CNNM2: variants seen among roughly 807,000 people sequenced by gnomAD.
CNNM2 encodes the protein cyclin and CBS domain divalent metal cation transport mediator 2, also known as metal transporter CNNM2.
CNNM2 carries 12 observed loss-of-function variants against 66.9 expected under a neutral mutation model. The ratio of observed to expected loss-of-function variants is 0.18; its 90% CI spans 0.11 to 0.29. CNNM2 has a LOEUF of 0.29. CNNM2 is among the 10% of genes least tolerant of loss of function. The pLI is 1.00. For synonymous variants in CNNM2, 557 were observed against 501.8 expected, an observed-to-expected ratio of 1.11 and a Z score of -1.47; for missense variants, 705 against 1,167.7, an observed-to-expected ratio of 0.60 and a Z score of 5.77.
chr10:103,048,214 ATT>A (rs61111356), intron 1 of CNNM2, among the ~76,000 whole-genome samples: 25 of 106,536 alleles, frequency 2.3e-4, no homozygotes, highest in Middle Eastern at 9.3e-3. Flanking sequence ...TGCGCTCAGC[ATT>A]TTTTTTTTTT....
In CNNM2 at chr10:103,085,164, C is replaced by T. The variant is rs2065792673; in HGVS notation, c.*7984C>T. On this transcript the variant is annotated 3_prime_UTR_variant, in exon 8 of 8. Transcript: ENST00000369878. Reference sequence around the variant, plus strand: ...TTGCCCGACTTCTGAAGTGCTTTTCCTGTCAGGGTATTAGTGACTGTGCAG... The same window carrying T: ...TTGCCCGACTTCTGAAGTGCTTTTCTTGTCAGGGTATTAGTGACTGTGCAG... The T allele has an allele frequency of 6.6e-6, 1 of 152,122 alleles. No homozygotes were observed. Among genetic ancestry groups the T allele is most frequent in the African/African-American group, 2.4e-5 (1 of 41,414 alleles). The allele number at this position is 152,122 out of a possible 1,614,324, so 9.4% of individuals were successfully genotyped here.
At position 103,054,447 on chromosome 10, in the gene CNNM2, G is replaced by A. The variant is rs1397932904; in HGVS notation, c.1884G>A (p.Met628Ile). 3.7e-6 allele frequency: 6 copies of A among 1,613,740 alleles called. No individual in the cohort carries two copies. Among genetic ancestry groups the A allele is most frequent in the Non-Finnish European group, 5.1e-6 (6 of 1,179,860 alleles). Residue 628 changes from methionine (M) to isoleucine (I), a missense_variant, in exon 3 of 8, where the codon ATG (methionine) becomes ATA (isoleucine). Coordinates refer to ENST00000369878, the MANE Select transcript of CNNM2 (RefSeq NM_017649.5). This position sits in a 1 kb window ranked among gnomAD's most constrained non-coding sequence, Gnocchi z 5.2. ...VKISPQLLLAMHRFLATEVEA... is the reference protein window; with the variant it reads ...VKISPQLLLAIHRFLATEVEA... ...TATCACCACAGCTCCTCCTGGCCAT[G>A]CACCGTTTCCTAGCAACAGGCAAGT...
At chr10:102,935,107 C>T (rs542303342) in intron 1 of CNNM2, among the ~76,000 whole-genome samples, 1 of 145,228 alleles carries the variant, frequency 6.9e-6, no homozygotes, top group Non-Finnish European at 1.5e-5. Flanking sequence ...TGCAGTGAGC[C>T]GAGACCGCGC....
intron 1 of CNNM2, among the ~76,000 whole-genome samples, chr10:102,924,700 C>T (rs1164544140): frequency 1.3e-5 from 2 of 151,660 alleles, no homozygotes; most frequent in Non-Finnish European, 2.9e-5. Flanking sequence ...GAACTCCTGG[C>T]CTCAAGCAAT....
At chr10:102,992,178 A>G (rs953166816) in intron 1 of CNNM2, among the ~76,000 whole-genome samples, 9 of 152,058 alleles carry the variant, frequency 5.9e-5, no homozygotes, top group African/African-American at 2.2e-4. Context: ...ACATTCTTCT[A>G]CTTGCTTCCA....
intron 1 of CNNM2, among the ~76,000 whole-genome samples, chr10:103,030,119 G>A (rs2064795582): frequency 6.6e-6 from 1 of 152,160 alleles, no homozygotes; most frequent in African/African-American, 2.4e-5. Context: ...TATCTAGTTT[G>A]GGGAATTGGA....
intron 1 of CNNM2, among the ~76,000 whole-genome samples, chr10:102,943,289 A>G (rs562791215): frequency 7.6e-4 from 115 of 151,634 alleles, no homozygotes; most frequent in African/African-American, 2.3e-3. Flanking sequence ...ATTGCTGGGC[A>G]TGGTGGCATG....
intron 1 of CNNM2, among the ~76,000 whole-genome samples, chr10:102,970,268 T>C (rs1365346733): frequency 2.0e-5 from 3 of 152,232 alleles, no homozygotes; most frequent in Non-Finnish European, 2.9e-5. Flanking sequence ...GTAGCCATGA[T>C]TGTGCCCCTG....
intron 1 of CNNM2, among the ~76,000 whole-genome samples, chr10:102,974,320 A>G (rs1409996523): frequency 1.3e-5 from 2 of 152,200 alleles, no homozygotes; most frequent in African/African-American, 4.8e-5. Context: ...GTTTTTGTCA[A>G]ACTAAGATGA....
Position 102,992,024 on chromosome 10 carries a change from A to T in CNNM2, c.1622-57683A>T, listed in dbSNP as rs10786731. 0.19 allele frequency among the ~76,000 whole-genome samples: 28,524 copies of T among 152,100 alleles called. 2,862 individuals are homozygous for T. Among genetic ancestry groups the T allele is most frequent in the Non-Finnish European group, 0.22 (15,008 of 67,970 alleles). ...ATACATTTGCATTTACATTACCTGTATGTACTATACATACAAATTGATATG... is the reference window on the plus strand; with the variant it reads ...ATACATTTGCATTTACATTACCTGTTTGTACTATACATACAAATTGATATG... On this transcript the variant is annotated intron_variant, in intron 1 of 7. Transcript: ENST00000369878.
chr10:103,021,652 C>T (rs1186644496), intron 1 of CNNM2, among the ~76,000 whole-genome samples: 2 of 152,116 alleles, frequency 1.3e-5, no homozygotes, highest in Non-Finnish European at 2.9e-5. Context: ...CTTCCCTTGA[C>T]TCCTGCTGTA....
In CNNM2 at chr10:103,068,678, G is replaced by A. The variant is rs2065521540; in HGVS notation, c.2123G>A (p.Ser708Asn). The A allele has an allele frequency of 6.2e-7, 1 of 1,613,176 alleles. No individual in the cohort carries two copies. Among genetic ancestry groups the A allele is most frequent in the African/African-American group, 1.3e-5 (1 of 74,912 alleles). ...AGKEGMKFEA[S>N]AFSYYGVMAL... ...AAAGAAGGTATGAAGTTTGAAGCGA[G>A]CGCCTTCTCATACTATGGCGTGATG... Residue 708 changes from serine (S) to asparagine (N), a missense_variant, in exon 5 of 8, where the codon AGC becomes AAC. Ser to Asn is a conservative substitution (Grantham distance 46). Coordinates refer to ENST00000369878, the MANE Select transcript of CNNM2 (RefSeq NM_017649.5).
rs545125517 is a variant in CNNM2, at chr10:103,088,048, A to T, written c.*10868A>T. ...CATGTTAGAACATAATCAGTTCTTG[A>T]ATATTTATTTCCTTTAAGAGAATAT... On this transcript the variant is annotated 3_prime_UTR_variant, in exon 8 of 8. Coordinates refer to ENST00000369878, the MANE Select transcript of CNNM2 (RefSeq NM_017649.5). The T allele has an allele frequency of 6.6e-6, 1 of 152,118 alleles. No homozygotes were observed. Among genetic ancestry groups the T allele is most frequent in the Non-Finnish European group, 1.5e-5 (1 of 67,940 alleles). 9.4% of individuals were successfully genotyped at this position (152,118 alleles called of 1,614,324 possible).
At position 103,082,460 on chromosome 10, in the gene CNNM2, T is replaced by A. The variant is rs1682339293; in HGVS notation, c.*5280T>A. On this transcript the variant is annotated 3_prime_UTR_variant, in exon 8 of 8. Transcript: ENST00000369878. The stretch of plus-strand genomic sequence containing the variant: ...GCTTCTGATCATTACTCCCCAAGTC[T>A]GAATCTACTGTGAAGGTGAAGTTAT... The A allele has an allele frequency of 6.6e-6, 1 of 152,260 alleles. No homozygotes were observed. The highest frequency in any genetic ancestry group is 2.1e-4 in the South Asian group (1 of 4,838). The allele number at this position is 152,260 out of a possible 1,614,324, so 9.4% of individuals were successfully genotyped here. A position where few individuals can be genotyped will look rare whatever the true frequency, so the allele number is the denominator to read the frequency against.
chr10:103,018,819 C>T (rs2064508027), intron 1 of CNNM2, among the ~76,000 whole-genome samples: 1 of 150,772 alleles, frequency 6.6e-6, no homozygotes, highest in Non-Finnish European at 1.5e-5. Context: ...CCACCACGCC[C>T]TCCTAATTTT....
At chr10:102,964,228 T>TC (rs1224760055) in intron 1 of CNNM2, among the ~76,000 whole-genome samples, 6 of 151,994 alleles carry the variant, frequency 3.9e-5, no homozygotes, top group Non-Finnish European at 1.5e-5. Flanking sequence ...AATTAGATAT[T>TC]CTTTTTTTTT....
At chr10:103,028,617 A>G (rs531624934) in intron 1 of CNNM2, among the ~76,000 whole-genome samples, 4 of 152,260 alleles carry the variant, frequency 2.6e-5, no homozygotes, top group Admixed American at 6.5e-5. Context: ...TTAGGTAACA[A>G]CAGTTGGTCA....
chr10:102,973,001 A>G (rs986407599), intron 1 of CNNM2, among the ~76,000 whole-genome samples: 1 of 152,222 alleles, frequency 6.6e-6, no homozygotes, highest in South Asian at 2.1e-4. Context: ...AACATCCATG[A>G]AACTGGGATG....
rs1446566949 is a variant in CNNM2 at position 103,081,682 on chromosome 10, G to C, written c.*4502G>C. ...CTGTTACTTAGCAAGGCTGTGACAA[G>C]TAGGCCTTCCTCCTCTAGCACTTGC... On this transcript the variant is annotated 3_prime_UTR_variant, in exon 8 of 8. Transcript: ENST00000369878. The C allele has an allele frequency of 6.6e-6, 1 of 152,318 alleles. No homozygotes were observed. The highest frequency in any genetic ancestry group is 2.1e-4 in the South Asian group (1 of 4,826). The allele number at this position is 152,318 out of a possible 1,614,324, so 9.4% of individuals were successfully genotyped here.
Sources: allele counts gnomAD v4.1 joint callset (sites outside exome capture counted in the v4.1 genomes callset), GRCh38; gene constraint gnomAD v4.1.1; non-coding constraint Gnocchi (gnomAD v3.1); transcripts MANE v1.5; gene names NCBI Gene and HGNC (gene_info 2026-07-23, HGNC 2026-07-21).